The following GATAD2A variants were observed in gnomAD, a reference collection of about 807,000 sequenced individuals.
The protein encoded by GATAD2A is GATA zinc finger domain containing 2A.
Under a neutral mutation model 68.5 loss-of-function variants are expected in GATAD2A, and 12 were observed. The observed-to-expected ratio is 0.18, with a 90% confidence interval of 0.11 to 0.28. The LOEUF (loss-of-function observed/expected upper bound fraction) is 0.28, where lower values mean the gene tolerates loss of function less well. Ranked by LOEUF, GATAD2A falls within the 10% of genes least tolerant of loss-of-function variation. The pLI is 1.00. For synonymous variants in GATAD2A, 410 were observed against 375.3 expected, an observed-to-expected ratio of 1.09 and a Z score of -1.07; for missense variants, 755 against 868.5, an observed-to-expected ratio of 0.87 and a Z score of 1.64.
At chr19:19,430,783 G>A (rs2053633601) in intron 1 of GATAD2A, among the ~76,000 whole-genome samples, 1 of 152,164 alleles carries the variant, frequency 6.6e-6, no homozygotes, top group Admixed American at 6.5e-5. Context: ...CCAGTGTCAG[G>A]CCATGTGTCC....
intron 1 of GATAD2A, among the ~76,000 whole-genome samples, chr19:19,407,993 A>G (rs1411614109): frequency 6.6e-6 from 1 of 152,094 alleles, no homozygotes; most frequent in African/African-American, 2.4e-5. Flanking sequence ...ATTTGGATGC[A>G]GTGTGTTTTG....
At chr19:19,460,611 C>T (rs187324267) in intron 1 of GATAD2A, among the ~76,000 whole-genome samples, 23 of 152,276 alleles carry the variant, frequency 1.5e-4, no homozygotes, top group Admixed American at 1.3e-3. Context: ...TCAGCACATC[C>T]GAACTGTAGC....
intron 2 of GATAD2A, among the ~76,000 whole-genome samples, chr19:19,491,340 G>A (rs950335102): frequency 6.6e-6 from 1 of 152,174 alleles, no homozygotes; most frequent in African/African-American, 2.4e-5. Context: ...GTGAGATGCC[G>A]TGGGCCGACG....
intron 2 of GATAD2A, among the ~76,000 whole-genome samples, chr19:19,491,795 A>G (rs2059807827): frequency 6.6e-6 from 1 of 152,100 alleles, no homozygotes; most frequent in African/African-American, 2.4e-5. Context: ...CTGAGTGGAG[A>G]GAAGAAAATC....
chr19:19,492,461 C>T (rs372276159), intron 3 of GATAD2A, 23 bp downstream of exon 3: 35 of 1,613,584 alleles, frequency 2.2e-5, no homozygotes, highest in Middle Eastern at 3.3e-4. Flanking sequence ...TTGGCGCTGC[C>T]GCCGGAGCCC....
chr19:19,494,280 C>T lies in GATAD2A; in HGVS notation c.535-14C>T. 6.4e-7 allele frequency: 1 copy of T among 1,566,078 alleles called. No homozygotes were observed. Among genetic ancestry groups the T allele is most frequent in the Non-Finnish European group, 8.8e-7 (1 of 1,138,082 alleles). The stretch of plus-strand genomic sequence containing the variant: ...CGGTGGCCCCTCACCTCCTGGTGTC[C>T]TGCTCTCTTGCAGCCCACAGGTTCT... On this transcript the variant is annotated splice_polypyrimidine_tract_variant and intron_variant, in intron 4 of 11. Coordinates refer to ENST00000683918, the MANE Select transcript of GATAD2A (RefSeq NM_001384528.1).
chr19:19,415,092 CT>C (rs2051437813), intron 1 of GATAD2A, among the ~76,000 whole-genome samples: 1 of 129,474 alleles, frequency 7.7e-6, no homozygotes, highest in Non-Finnish European at 1.6e-5. Context: ...CCCCGCCCCC[CT>C]CCCCCCAAAA....
intron 1 of GATAD2A, among the ~76,000 whole-genome samples, chr19:19,387,243 G>A (rs1480041744): frequency 2.0e-5 from 3 of 151,636 alleles, no homozygotes; most frequent in East Asian, 3.9e-4. Context: ...CTGCTTCTCG[G>A]AGGAAGCCTT....
intron 11 of GATAD2A, among the ~76,000 whole-genome samples, chr19:19,505,021 C>T (rs2060793433): frequency 6.6e-6 from 1 of 152,228 alleles, no homozygotes; most frequent in South Asian, 2.1e-4. Flanking sequence ...TGGTTTTCCA[C>T]TGTTCTAAGC....
chr19:19,456,203 G>T (rs894401816), intron 1 of GATAD2A, among the ~76,000 whole-genome samples: 2 of 151,350 alleles, frequency 1.3e-5, no homozygotes, highest in Non-Finnish European at 2.9e-5. Context: ...CTTGCATTAG[G>T]TGAATCTAGA....
At chr19:19,427,441 G>A (rs1419160095) in intron 1 of GATAD2A, 4 of 151,818 alleles carry the variant, frequency 2.6e-5, no homozygotes, top group Non-Finnish European at 1.5e-5. Context: ...TAAGTACTGG[G>A]GGTGGGGGTG....
At position 19,464,520 on chromosome 19, in the gene GATAD2A, C is replaced by T. The variant is rs895010718; in HGVS notation, c.-6-820C>T. ...CCTGTCTCCGTGAGGGTTAACAACA[C>T]TTCAGCCTGTTGTCTGGAACCGGTT... On this transcript the variant is annotated intron_variant, in intron 1 of 11. Transcript: ENST00000683918. Among the ~76,000 whole-genome samples the T allele has an allele frequency of 3.9e-5, 6 of 152,348 alleles. No individual in the cohort carries two copies. The East Asian group carries it at 1.2e-3, about 29-fold the overall frequency.
At chr19:19,494,420 T>C in intron 5 of GATAD2A, 37 bp downstream of exon 5, 1 of 1,282,228 alleles carries the variant, frequency 7.8e-7, no homozygotes, top group Non-Finnish European at 1.1e-6. Context: ...GGTGCCCTGC[T>C]GGCACTGCTG....
intron 1 of GATAD2A, among the ~76,000 whole-genome samples, chr19:19,409,733 C>G (rs2050696466): frequency 6.6e-6 from 1 of 151,990 alleles, no homozygotes; most frequent in Non-Finnish European, 1.5e-5. Flanking sequence ...ATAGTGAGAC[C>G]CGTACTGTCA....
exon 1 of GATAD2A, chr19:19,385,860 C>G (rs942149964): frequency 3.3e-5 from 5 of 151,952 alleles, no homozygotes; most frequent in African/African-American, 1.2e-4. Flanking sequence ...GACTGAGCCG[C>G]GAGACTGAGC....
chr19:19,420,630 G>A (rs1174814863), intron 1 of GATAD2A, among the ~76,000 whole-genome samples: 3 of 151,774 alleles, frequency 2.0e-5, no homozygotes, highest in Admixed American at 6.6e-5. Flanking sequence ...GTGAGCCACC[G>A]CGACCAGCCC....
intron 9 of GATAD2A, 68 bp downstream of exon 9, chr19:19,501,484 G>A (rs943565858): frequency 2.9e-5 from 36 of 1,223,148 alleles, no homozygotes; most frequent in Admixed American, 4.7e-5. Flanking sequence ...TCCACCCCAC[G>A]CCTGCGCTGC....
chr19:19,464,748 AC>A (rs1438412649), intron 1 of GATAD2A: 1 of 159,548 alleles, frequency 6.3e-6, no homozygotes, highest in African/African-American at 2.4e-5. Context: ...CTCAAAGTGT[AC>A]CTCACTGGCA....
chr19:19,493,121 A>G (rs1943389993), intron 4 of GATAD2A, among the ~76,000 whole-genome samples: 1 of 151,966 alleles, frequency 6.6e-6, no homozygotes, highest in African/African-American at 2.4e-5. Flanking sequence ...TTGTGTTTTT[A>G]GTGGAGACGG....
Sources: allele counts gnomAD v4.1 joint callset (sites outside exome capture counted in the v4.1 genomes callset), GRCh38; gene constraint gnomAD v4.1.1; transcripts MANE v1.5; gene names NCBI Gene and HGNC (gene_info 2026-07-23, HGNC 2026-07-21).